The following PAQR5 variants were observed in gnomAD, a reference collection of about 807,000 sequenced individuals.
PAQR5 encodes the protein progestin and adipoQ receptor family member 5.
Under a neutral mutation model 34.5 loss-of-function variants are expected in PAQR5, and 20 were observed. The observed-to-expected ratio is 0.58, with a 90% CI of 0.41 to 0.84. The LOEUF (loss-of-function observed/expected upper bound fraction) is 0.84. PAQR5 is among the 40% of genes least tolerant of loss of function. The probability of loss-of-function intolerance (pLI) is 0.00; values close to 1 mark genes in which losing one functional copy is unlikely to be tolerated. For synonymous variants in PAQR5, 131 were observed against 155.6 expected, an observed-to-expected ratio of 0.84 and a Z score of 1.18; for missense variants, 378 against 412.7, an observed-to-expected ratio of 0.92 and a Z score of 0.73.
chr15:69,358,222 T>G (rs2055130640), intron 2 of PAQR5, among the ~76,000 whole-genome samples: 1 of 152,218 alleles, frequency 6.6e-6, no homozygotes, highest in Non-Finnish European at 1.5e-5. Context: ...TCTGGGTCTC[T>G]GTGGTGCACA....
At chr15:69,350,152 C>T (rs1042851794) in intron 2 of PAQR5, among the ~76,000 whole-genome samples, 2 of 152,210 alleles carry the variant, frequency 1.3e-5, no homozygotes, top group Admixed American at 6.5e-5. Context: ...GGCCGCGTGG[C>T]GGCACTCAGC....
At chr15:69,302,011 C>G (rs1566987643) in intron 1 of PAQR5, among the ~76,000 whole-genome samples, 1 of 151,166 alleles carries the variant, frequency 6.6e-6, no homozygotes, top group Non-Finnish European at 1.5e-5. Context: ...GGCTTGAGCC[C>G]CAGTCTGTCT....
intron 2 of PAQR5, 136 bp from the exon 3 acceptor site, chr15:69,359,830 G>T: frequency 2.2e-6 from 1 of 455,644 alleles, no homozygotes; most frequent in Non-Finnish European, 4.0e-6. Flanking sequence ...TGATCATTTT[G>T]CTGTTTTTAA....
At chr15:69,315,390 C>T (rs1324086455) in intron 1 of PAQR5, among the ~76,000 whole-genome samples, 1 of 152,112 alleles carries the variant, frequency 6.6e-6, no homozygotes, top group African/African-American at 2.4e-5. Context: ...CCCACAGCAC[C>T]TCCCCTCTCC....
At chr15:69,347,113 C>T (rs548680608) in intron 2 of PAQR5, among the ~76,000 whole-genome samples, 11 of 152,248 alleles carry the variant, frequency 7.2e-5, no homozygotes, top group African/African-American at 2.4e-4. Context: ...TGAGCCACCA[C>T]GCCAGGCCTC....
intron 5 of PAQR5, among the ~76,000 whole-genome samples, chr15:69,389,068 A>G (rs1303696254): frequency 2.6e-5 from 4 of 151,838 alleles, no homozygotes; most frequent in African/African-American, 9.7e-5. Context: ...GCAACACCCA[A>G]CCTCTCAGCT....
chr15:69,339,168 A>ACCCCCCCCCCCCCCCCCCCCCCCC (rs111647955), intron 2 of PAQR5, among the ~76,000 whole-genome samples: 2 of 134,068 alleles, frequency 1.5e-5, no homozygotes, highest in Admixed American at 7.6e-5. Context: ...CCCACTGGCT[A>ACCCCCCCCCCCCCCCCCCCCCCCC]CACCCCCCAC....
intron 3 of PAQR5, 48 bp from the exon 4 acceptor site, chr15:69,379,835 T>C: frequency 6.3e-7 from 1 of 1,595,302 alleles, no homozygotes; most frequent in Non-Finnish European, 8.5e-7. Context: ...GAGACCTTCG[T>C]GCCACCCTCT....
intron 1 of PAQR5, among the ~76,000 whole-genome samples, chr15:69,300,961 T>C (rs1262531814): frequency 1.1e-4 from 6 of 56,482 alleles, no homozygotes; most frequent in African/African-American, 4.4e-4. Flanking sequence ...CTTTCTTTCT[T>C]TCTTTCTTTC....
chr15:69,347,549 T>C (rs1037885650), intron 2 of PAQR5, among the ~76,000 whole-genome samples: 4 of 152,160 alleles, frequency 2.6e-5, no homozygotes, highest in East Asian at 1.9e-4. Context: ...CTGGTTAAAA[T>C]AGGGACAGAA....
intron 1 of PAQR5, among the ~76,000 whole-genome samples, chr15:69,310,916 G>A (rs2140540939): frequency 6.6e-6 from 1 of 151,564 alleles, no homozygotes; most frequent in East Asian, 2.0e-4. Context: ...GCGGGCGCCT[G>A]TAGTCCCAGC....
chr15:69,383,505 G>T (rs1428924278), intron 4 of PAQR5, among the ~76,000 whole-genome samples: 5 of 139,458 alleles, frequency 3.6e-5, no homozygotes, highest in African/African-American at 1.4e-4. Context: ...ATGGTGGAGG[G>T]TGACTGGCCC....
chr15:69,400,391 C>A lies in PAQR5; in HGVS notation c.751+276C>A, dbSNP rs73426018. Among the ~76,000 whole-genome samples, 958 of 152,254 alleles carry A rather than the reference C, an allele frequency of 6.3e-3. 7 individuals are homozygous for A. Among genetic ancestry groups the A allele is most frequent in the African/African-American group, 0.022 (904 of 41,542 alleles). ...TTATTGTCATCCAGAACATGGAATC[C>A]CATGATTAAGTGAACATTGGGGCTG... On this transcript the variant is annotated intron_variant, in intron 8 of 8. Coordinates refer to ENST00000395407, the MANE Select transcript of PAQR5 (RefSeq NM_017705.4).
At chr15:69,379,749 G>A in intron 3 of PAQR5, 134 bp from the exon 4 acceptor site, 3 of 1,259,090 alleles carry the variant, frequency 2.4e-6, no homozygotes, top group East Asian at 2.4e-5. Flanking sequence ...AGAGTGAGGG[G>A]AACAGCTTAA....
In PAQR5 at chr15:69,300,807, T is replaced by TTTCCTTCCTTCC. The variant is rs56373718; in HGVS notation, c.-277+1766_-277+1777dup. ...CTCTCTTTCTTTCTTTCTTTCCTTCTTTCCTTCCTTCCTTCCTTCCTTCCT... is the reference window on the plus strand; with the variant it reads ...CTCTCTTTCTTTCTTTCTTTCCTTCTTTCCTTCCTTCCTTCCTTCCTTCCTTCCTTCCTTCCT... On this transcript the variant is annotated intron_variant, in intron 1 of 8. Transcript: ENST00000395407. Among the ~76,000 whole-genome samples the TTTCCTTCCTTCC allele has an allele frequency of 2.2e-3, 52 of 23,416 alleles. 15 individuals carry two copies. The South Asian group carries it at 0.023, about 10-fold the overall frequency. The allele number at this position is 23,416 out of a possible 152,430, so 15.4% of individuals were successfully genotyped here.
At position 69,406,735 on chromosome 15, in the gene PAQR5, T is replaced by C. The variant is rs901799671; in HGVS notation, c.*2913T>C. On this transcript the variant is annotated 3_prime_UTR_variant, in exon 9 of 9. Coordinates refer to ENST00000395407, the MANE Select transcript of PAQR5 (RefSeq NM_017705.4). The stretch of plus-strand genomic sequence containing the variant: ...AAAAGTTAAAACTAGCTGGTTGTGG[T>C]GGTGCACACCTGTGGTCCCAGCTAC... 1.8e-4 allele frequency: 28 copies of C among 152,208 alleles called. No homozygotes were observed. The highest frequency in any genetic ancestry group is 6.8e-4 in the African/African-American group (28 of 41,428). 9.4% of individuals were successfully genotyped at this position (152,208 alleles called of 1,614,324 possible). A position where few individuals can be genotyped will look rare whatever the true frequency, so the allele number is the denominator to read the frequency against.
chr15:69,363,515 C>T (rs1460202398), intron 3 of PAQR5, among the ~76,000 whole-genome samples: 1 of 146,630 alleles, frequency 6.8e-6, no homozygotes, highest in East Asian at 2.0e-4. Context: ...ACAAGAACAT[C>T]GAGTGTCAAA....
chr15:69,336,267 A>C (rs2054513823), intron 1 of PAQR5, among the ~76,000 whole-genome samples: 1 of 152,140 alleles, frequency 6.6e-6, no homozygotes, highest in East Asian at 1.9e-4. Context: ...ATCAAATTAT[A>C]AATTATATCT....
In PAQR5 at chr15:69,385,783, GAC is replaced by G. The variant is rs966740967; in HGVS notation, c.385+911_385+912del. On this transcript the variant is annotated intron_variant, in intron 5 of 8. Coordinates refer to ENST00000395407, the MANE Select transcript of PAQR5 (RefSeq NM_017705.4). The surrounding 1 kb of genome is among the most constrained non-coding windows in gnomAD (Gnocchi z 4.7). ...ACACACTCATGCACTGACACACACT[GAC>G]ACACACACATACAATGCACTCACAC... Among the ~76,000 whole-genome samples, 11 of 151,288 alleles carry G rather than the reference GAC, an allele frequency of 7.3e-5. No individual in the cohort carries two copies. Among genetic ancestry groups the G allele is most frequent in the African/African-American group, 1.9e-4 (8 of 41,186 alleles).
Sources: gnomAD v4.1 joint callset for allele counts (sites outside exome capture counted in the v4.1 genomes callset) on GRCh38, gnomAD v4.1.1 for gene constraint, Gnocchi (gnomAD v3.1) non-coding constraint, MANE v1.5 for transcripts, NCBI Gene and HGNC (gene_info 2026-07-23, HGNC 2026-07-21) for gene names.